Variants in CHD9 observed in about 807,000 individuals in gnomAD.
CHD9 encodes ATP-dependent chromatin remodeler CHD9.
In CHD9, 77 loss-of-function variants were observed where a neutral mutation model predicts 316.1. That is an observed-to-expected ratio of 0.24 (90% confidence interval 0.20 to 0.29). CHD9 has a LOEUF of 0.29. CHD9 is among the 10% of genes least tolerant of loss of function. The probability of loss-of-function intolerance (pLI) is 1.00; values close to 1 mark genes in which losing one functional copy is unlikely to be tolerated. For synonymous variants in CHD9, 1,129 were observed against 1,158.3 expected, an observed-to-expected ratio of 0.97 and a Z score of 0.51; for missense variants, 2,763 against 3,438.1, an observed-to-expected ratio of 0.80 and a Z score of 4.91.
chr16:53,121,157 A>G (rs1248818608), intron 1 of CHD9: 1 of 304,110 alleles, frequency 3.3e-6, no homozygotes, highest in African/African-American at 2.2e-5. Flanking sequence ...AGAGGACCAT[A>G]TCTATCTTGT....
chr16:53,227,357 G>T, intron 5 of CHD9, 39 bp from the exon 6 acceptor site: 1 of 1,362,698 alleles, frequency 7.3e-7, no homozygotes, highest in South Asian at 1.3e-5. Flanking sequence ...AGATCTTTCA[G>T]AATGTGTTCT....
chr16:53,199,778 C>T (rs892496399), intron 2 of CHD9, among the ~76,000 whole-genome samples: 3 of 152,158 alleles, frequency 2.0e-5, no homozygotes, highest in African/African-American at 7.2e-5. Context: ...TTAAACTATT[C>T]TTACCATAAA....
chr16:53,161,250 A>T (rs571724114), intron 2 of CHD9, among the ~76,000 whole-genome samples: 29 of 152,352 alleles, frequency 1.9e-4, no homozygotes, highest in African/African-American at 7.0e-4. Flanking sequence ...TCAGTTTTAT[A>T]TGTACTGAAT....
intron 19 of CHD9, among the ~76,000 whole-genome samples, chr16:53,257,874 A>G (rs2152983424): frequency 6.6e-6 from 1 of 152,218 alleles, no homozygotes; most frequent in South Asian, 2.1e-4. Context: ...TTTTCCTGGG[A>G]AATCTTACTT....
rs750581032 is a variant in CHD9, at chr16:53,268,081, A to T, written c.4672A>T (p.Thr1558Ser). Residue 1558 changes from threonine to serine, a missense_variant, in exon 22 of 39, where the codon ACT becomes TCT. This residue lies in a region of CHD9 where 99 missense variants were observed against 131.6 expected (regional missense o/e 0.75). Coordinates refer to ENST00000447540, the MANE Select transcript of CHD9 (RefSeq NM_001308319.2). ...TAAAGGTTTCATATGGGATCTCATT[A>T]CTCCAACTGAAGATGGACAGACACG... ...KIKGFIWDLITPTEDGQTREL... is the reference protein window; with the variant it reads ...KIKGFIWDLISPTEDGQTREL... The T allele has an allele frequency of 6.2e-7, 1 of 1,612,638 alleles. No homozygotes were observed. Among genetic ancestry groups the T allele is most frequent in the South Asian group, 1.1e-5 (1 of 90,994 alleles).
chr16:53,225,088 A>G (rs1157452849), intron 4 of CHD9, among the ~76,000 whole-genome samples: 2 of 152,096 alleles, frequency 1.3e-5, no homozygotes. Flanking sequence ...TTTACTACTC[A>G]CAAGAGAAAG....
At chr16:53,277,540 C>T (rs1267741863) in intron 24 of CHD9, among the ~76,000 whole-genome samples, 6 of 152,118 alleles carry the variant, frequency 3.9e-5, no homozygotes, top group Admixed American at 1.3e-4. Context: ...TGACGAAATC[C>T]AGCATCACTT....
chr16:53,314,499 A>G lies in CHD9; in HGVS notation c.7345A>G (p.Asn2449Asp). Residue 2449 changes from asparagine to aspartate, a missense_variant, in exon 35 of 39, where the codon AAT (asparagine) becomes GAT (aspartate). Asn to Asp is a conservative substitution (Grantham distance 23). Around this residue, in one of 15 missense-constraint regions of CHD9, gnomAD observed 663 missense variants for 751.2 expected, o/e 0.88. Transcript: ENST00000447540. Reference sequence around the variant, plus strand: ...TGTTGACATCTTCTTTTTTAACAGAAATAAACCACCTAATCATGTAAGTAA... The same window carrying G: ...TGTTGACATCTTCTTTTTTAACAGAGATAAACCACCTAATCATGTAAGTAA... The part of the protein sequence containing the change: ...EGVDIFFFNR[N>D]KPPNHVSLGL... The G allele has an allele frequency of 3.8e-6, 6 of 1,575,882 alleles. No individual in the cohort carries two copies. The highest frequency in any genetic ancestry group is 5.2e-6 in the Non-Finnish European group (6 of 1,160,188).
At chr16:53,252,085 C>T (rs910030359) in intron 17 of CHD9, among the ~76,000 whole-genome samples, 5 of 152,070 alleles carry the variant, frequency 3.3e-5, no homozygotes, top group African/African-American at 1.2e-4. Flanking sequence ...AAAGAGCCCG[C>T]ATAGCCAAAG....
At chr16:53,163,983 T>C (rs910024743) in intron 2 of CHD9, among the ~76,000 whole-genome samples, 2 of 152,202 alleles carry the variant, frequency 1.3e-5, no homozygotes, top group South Asian at 4.1e-4. Context: ...ACAGAGAAGT[T>C]AAGTAATAAA....
intron 30 of CHD9, among the ~76,000 whole-genome samples, chr16:53,297,768 C>T (rs895311933): frequency 6.6e-6 from 1 of 152,232 alleles, no homozygotes; most frequent in Non-Finnish European, 1.5e-5. Flanking sequence ...TGATTTCTCA[C>T]TGCTAAACCC....
intron 1 of CHD9, among the ~76,000 whole-genome samples, chr16:53,136,230 T>C (rs1232498693): frequency 2.0e-5 from 3 of 152,160 alleles, no homozygotes; most frequent in African/African-American, 7.2e-5. Context: ...TTTCAAAACA[T>C]TTTAAAACTA....
chr16:53,146,748 G>A (rs901596899), intron 1 of CHD9, among the ~76,000 whole-genome samples: 4 of 150,662 alleles, frequency 2.7e-5, no homozygotes, highest in South Asian at 2.1e-4. Flanking sequence ...ACAGTGAACC[G>A]AGATCGTACC....
rs752068900 is a variant in CHD9 at position 53,308,652 on chromosome 16, A to C, written c.7054-34A>C. ...ATCCTGCAATAAGATTTTTTTTAAC[A>C]GTTTCTGTCTTAATAATGGTATTTG... is the stretch of plus-strand genomic sequence containing the variant. On this transcript the variant is annotated intron_variant, in intron 33 of 38. Coordinates refer to ENST00000447540, the MANE Select transcript of CHD9 (RefSeq NM_001308319.2). 2.0e-6 allele frequency: 3 copies of C among 1,535,960 alleles called. No individual in the cohort carries two copies. The Middle Eastern group carries it at 5.1e-4, about 260-fold the overall frequency.
chr16:53,196,846 C>CG (rs1555506096), intron 2 of CHD9, among the ~76,000 whole-genome samples: 2 of 152,132 alleles, frequency 1.3e-5, no homozygotes, highest in Non-Finnish European at 2.9e-5. Context: ...TCCAGTGAAA[C>CG]TAAGTTTTGT....
intron 4 of CHD9, 56 bp downstream of exon 4, chr16:53,222,811 A>G: frequency 1.2e-6 from 1 of 810,744 alleles, no homozygotes; most frequent in African/African-American, 1.7e-5. Context: ...TTTAGTTAGC[A>G]TAATATTGCC....
intron 20 of CHD9, among the ~76,000 whole-genome samples, 164 bp from the exon 21 acceptor site, chr16:53,267,130 G>A (rs993830685): frequency 5.9e-5 from 9 of 152,066 alleles, no homozygotes; most frequent in Non-Finnish European, 7.4e-5. Context: ...AATTCTAAAG[G>A]AATATAAGCA....
At chr16:53,310,241 G>A (rs1388132107) in intron 34 of CHD9, among the ~76,000 whole-genome samples, 1 of 151,862 alleles carries the variant, frequency 6.6e-6, no homozygotes, top group Non-Finnish European at 1.5e-5. Context: ...TATTACTGTA[G>A]AATAAATCCC....
chr16:53,208,094 G>C (rs2046027207), intron 2 of CHD9: 3 of 1,005,982 alleles, frequency 3.0e-6, no homozygotes, highest in Non-Finnish European at 3.6e-6. Flanking sequence ...CTTTTTAGGA[G>C]TGTTTACAGC....
Sources: allele counts gnomAD v4.1 joint callset (sites outside exome capture counted in the v4.1 genomes callset), GRCh38; gene constraint gnomAD v4.1.1; regional missense constraint gnomAD v4.1.1; transcripts MANE v1.5; gene names NCBI Gene and HGNC (gene_info 2026-07-23, HGNC 2026-07-21).